LHPP: variants seen among roughly 807,000 people sequenced by gnomAD.
LHPP encodes phospholysine phosphohistidine inorganic pyrophosphate phosphatase.
Under a neutral mutation model 30.3 loss-of-function variants are expected in LHPP, and 24 were observed. The observed-to-expected ratio is 0.79, with a 90% CI of 0.57 to 1.11. The LOEUF is 1.11. LHPP is among the 50% of genes most tolerant of loss of function. The pLI, the probability that LHPP is intolerant of heterozygous loss-of-function variation, is 0.00. For synonymous variants in LHPP, 150 were observed against 157.1 expected, an observed-to-expected ratio of 0.95 and a Z score of 0.34; for missense variants, 356 against 367.2, an observed-to-expected ratio of 0.97 and a Z score of 0.25.
intron 1 of LHPP, among the ~76,000 whole-genome samples, chr10:124,466,346 A>G (rs1029275922): frequency 1.3e-5 from 2 of 152,214 alleles, no homozygotes; most frequent in Admixed American, 1.3e-4. Flanking sequence ...GGAAGGACGC[A>G]GGCTGCTTCA....
intron 6 of LHPP, among the ~76,000 whole-genome samples, chr10:124,529,790 T>TGCACACACACACACACACAC (rs1564812291): frequency 3.1e-4 from 36 of 115,278 alleles, no homozygotes; most frequent in Non-Finnish European, 3.7e-4. Context: ...CACCAGCTCA[T>TGCACACACACACACACACAC]GCACATACAC....
chr10:124,532,785 G>A (rs1417457695), intron 6 of LHPP, among the ~76,000 whole-genome samples: 1 of 152,212 alleles, frequency 6.6e-6, no homozygotes, highest in African/African-American at 2.4e-5. Context: ...GCTGGTAAGG[G>A]TGTAGCAGGA....
At chr10:124,608,844 G>A (rs76254844) in intron 6 of LHPP, among the ~76,000 whole-genome samples, 2 of 152,334 alleles carry the variant, frequency 1.3e-5, no homozygotes, top group East Asian at 3.9e-4. Flanking sequence ...AGGGGACCTT[G>A]GACCCCTGCC....
In LHPP at chr10:124,523,744, C is replaced by T. The variant is rs116039909; in HGVS notation, c.716+6473C>T. Among the ~76,000 whole-genome samples the T allele has an allele frequency of 3.8e-3, 582 of 152,246 alleles. 2 individuals are homozygous for T. Among genetic ancestry groups the T allele is most frequent in the African/African-American group, 0.013 (530 of 41,530 alleles). ...TGTAAACAGACCAGCCAGGGCAATC[C>T]GAGCCAGCCCCGGTGGAGAGAAAGG... is the stretch of plus-strand genomic sequence containing the variant. On this transcript the variant is annotated intron_variant, in intron 6 of 6. Coordinates refer to ENST00000368842, the MANE Select transcript of LHPP (RefSeq NM_022126.4). This position sits in a 1 kb window ranked among gnomAD's most constrained non-coding sequence, Gnocchi z 4.2.
At chr10:124,491,186 C>T (rs371588750) in intron 3 of LHPP, among the ~76,000 whole-genome samples, 3 of 152,234 alleles carry the variant, frequency 2.0e-5, no homozygotes, top group African/African-American at 7.2e-5. Context: ...ATTCTAGAAT[C>T]ACAGGCTCCC....
chr10:124,612,071 C>T (rs1949209331), intron 6 of LHPP, among the ~76,000 whole-genome samples: 1 of 152,200 alleles, frequency 6.6e-6, no homozygotes, highest in Non-Finnish European at 1.5e-5. Flanking sequence ...CTGCCCACAG[C>T]CCCTAGGATG....
At chr10:124,488,318 G>A in intron 2 of LHPP, 104 bp from the exon 3 acceptor site, 7 of 1,007,612 alleles carry the variant, frequency 6.9e-6, no homozygotes, top group Admixed American at 4.3e-5. Context: ...AAATGCATCT[G>A]AGAAAGGGGG....
chr10:124,530,294 G>T (rs992097920), intron 6 of LHPP, among the ~76,000 whole-genome samples: 1 of 152,068 alleles, frequency 6.6e-6, no homozygotes, highest in African/African-American at 2.4e-5. Context: ...CACGCCACCT[G>T]CTCGGGCCAC....
At chr10:124,579,175 T>C (rs1948713107) in intron 6 of LHPP, among the ~76,000 whole-genome samples, 1 of 152,156 alleles carries the variant, frequency 6.6e-6, no homozygotes, top group Admixed American at 6.5e-5. Flanking sequence ...CAGCCCCTCT[T>C]TAAGGAACAT....
At chr10:124,582,092 T>C (rs1948750804) in intron 6 of LHPP, among the ~76,000 whole-genome samples, 2 of 138,074 alleles carry the variant, frequency 1.4e-5, no homozygotes, top group Non-Finnish European at 1.6e-5. Context: ...TATTTATATA[T>C]ATATTTTTTA....
intron 6 of LHPP, among the ~76,000 whole-genome samples, chr10:124,524,255 ACTTT>A (rs1174136964): frequency 2.7e-5 from 4 of 150,098 alleles, no homozygotes; most frequent in South Asian, 2.1e-4. Context: ...TTTATGTCAT[ACTTT>A]CTTTCTTTTG....
At position 124,613,532 on chromosome 10, in the gene LHPP, C is replaced by T. The variant is rs1949231741; in HGVS notation, c.*172C>T. ...GCCCCAGTGCCCAGACCAACCAAGG[C>T]CCTGACAGCCCTGCCTTCTGCCCTC... On this transcript the variant is annotated 3_prime_UTR_variant, in exon 7 of 7. Transcript: ENST00000368842. 1.6e-6 allele frequency: 1 copy of T among 628,826 alleles called. No homozygotes were observed. 39.0% of individuals were successfully genotyped at this position (628,826 alleles called of 1,614,324 possible).
intron 5 of LHPP, 49 bp downstream of exon 5, chr10:124,498,177 G>T (rs951234727): frequency 1.3e-6 from 2 of 1,564,856 alleles, no homozygotes; most frequent in Non-Finnish European, 1.8e-6. Context: ...CCCCGTCAGG[G>T]AGGCCCTGGA....
At chr10:124,600,593 C>T (rs951079584) in intron 6 of LHPP, among the ~76,000 whole-genome samples, 6 of 152,354 alleles carry the variant, frequency 3.9e-5, no homozygotes, top group African/African-American at 1.2e-4. Context: ...AGTGGGGCCT[C>T]CCCGGAGGAG....
chr10:124,605,679 C>T (rs1949082601), intron 6 of LHPP, among the ~76,000 whole-genome samples: 1 of 152,046 alleles, frequency 6.6e-6, no homozygotes, highest in African/African-American at 2.4e-5. Context: ...CAGGTGGGGC[C>T]CAGTCAGGAT....
chr10:124,551,701 G>T (rs1299306652), intron 6 of LHPP, among the ~76,000 whole-genome samples: 5 of 152,026 alleles, frequency 3.3e-5, no homozygotes, highest in African/African-American at 1.2e-4. Context: ...CCTGAGACCC[G>T]CGGGCTTGGC....
chr10:124,504,999 G>T (rs2133887293), intron 5 of LHPP, among the ~76,000 whole-genome samples: 1 of 152,234 alleles, frequency 6.6e-6, no homozygotes, highest in African/African-American at 2.4e-5. Context: ...TGTGGCCCTG[G>T]AGAGCGAAAG....
At chr10:124,494,590 G>T (rs1453171903) in intron 3 of LHPP, among the ~76,000 whole-genome samples, 1 of 152,170 alleles carries the variant, frequency 6.6e-6, no homozygotes, top group African/African-American at 2.4e-5. Flanking sequence ...TTGAGGGCCT[G>T]CAGAGGGCCT....
intron 6 of LHPP, among the ~76,000 whole-genome samples, chr10:124,533,941 C>T (rs1326922636): frequency 2.0e-5 from 3 of 152,162 alleles, no homozygotes; most frequent in Admixed American, 6.5e-5. Context: ...CAGGGCTTTC[C>T]CATGAGTCGA....
Sources: allele counts gnomAD v4.1 joint callset (sites outside exome capture counted in the v4.1 genomes callset), GRCh38; gene constraint gnomAD v4.1.1; non-coding constraint Gnocchi (gnomAD v3.1); transcripts MANE v1.5; gene names NCBI Gene and HGNC (gene_info 2026-07-23, HGNC 2026-07-21).